Variants in ZC2HC1A observed in about 807,000 individuals in gnomAD.
ZC2HC1A encodes the protein zinc finger C2HC domain-containing protein 1A.
A neutral mutation model predicts 40.7 loss-of-function variants in ZC2HC1A; 28 were observed. The ratio of observed to expected loss-of-function variants is 0.69; its 90% CI spans 0.51 to 0.94. ZC2HC1A has a LOEUF of 0.94. Ranked by LOEUF, ZC2HC1A falls within the 40% of genes least tolerant of loss-of-function variation. The pLI is 0.00. For missense variants in ZC2HC1A, 389 were observed against 386.3 expected, an observed-to-expected ratio of 1.01 and a Z score of -0.06; for synonymous variants, 129 against 129.2, an observed-to-expected ratio of 1.00 and a Z score of 0.01.
chr8:78,702,262 G>T (rs1313417599), intron 7 of ZC2HC1A, among the ~76,000 whole-genome samples: 1 of 152,062 alleles, frequency 6.6e-6, no homozygotes, highest in Non-Finnish European at 1.5e-5. Flanking sequence ...GTGTATTGAG[G>T]TATTCATAAT....
At chr8:78,668,909 A>C (rs145402913) in intron 1 of ZC2HC1A, among the ~76,000 whole-genome samples, 70 of 152,224 alleles carry the variant, frequency 4.6e-4, no homozygotes, top group Non-Finnish European at 6.8e-4. Context: ...CATTCCCTTC[A>C]TATCCCTGAT....
intron 5 of ZC2HC1A, 71 bp downstream of exon 5, chr8:78,689,444 C>G: frequency 5.8e-6 from 8 of 1,381,774 alleles, no homozygotes; most frequent in Non-Finnish European, 7.7e-6. Context: ...ATTGTTTATG[C>G]TTTTCATGAC....
At chr8:78,707,585 G>A (rs1486328545) in intron 7 of ZC2HC1A, among the ~76,000 whole-genome samples, 2 of 152,176 alleles carry the variant, frequency 1.3e-5, no homozygotes, top group Non-Finnish European at 2.9e-5. Flanking sequence ...TGTCAGTTGT[G>A]CATTGCTTAT....
intron 7 of ZC2HC1A, among the ~76,000 whole-genome samples, chr8:78,711,682 A>AT (rs558105997): frequency 5.3e-4 from 79 of 150,228 alleles, no homozygotes; most frequent in African/African-American, 1.2e-3. Context: ...TAGCTTCATG[A>AT]TTTTTTTTTT....
chr8:78,683,293 A>C (rs1327288117), intron 3 of ZC2HC1A, among the ~76,000 whole-genome samples: 1 of 152,208 alleles, frequency 6.6e-6, no homozygotes, highest in Non-Finnish European at 1.5e-5. Context: ...GAGGTTCTCC[A>C]TGAGGGCCCC....
chr8:78,686,849 A>G lies in ZC2HC1A; in HGVS notation c.352+241A>G, dbSNP rs140068267. ...ACTTTTATTTAAACAAGGCATTATA[A>G]TATCATTTAAAAATTATTATAGTAA... On this transcript the variant is annotated intron_variant, in intron 4 of 8. Coordinates refer to ENST00000263849, the MANE Select transcript of ZC2HC1A (RefSeq NM_016010.3). 5.9e-3 allele frequency among the ~76,000 whole-genome samples: 898 copies of G among 152,234 alleles called. 9 individuals are homozygous for G. The highest frequency in any genetic ancestry group is 0.02 in the African/African-American group (842 of 41,550).
chr8:78,675,932 C>G (rs1809564971), intron 2 of ZC2HC1A, 69 bp downstream of exon 2: 2 of 1,359,350 alleles, frequency 1.5e-6, no homozygotes, highest in South Asian at 1.2e-5. Flanking sequence ...CTGGTCAATT[C>G]TCATGGGAAG....
intron 7 of ZC2HC1A, among the ~76,000 whole-genome samples, chr8:78,711,834 A>G (rs1251174030): frequency 6.6e-6 from 1 of 152,088 alleles, no homozygotes; most frequent in Non-Finnish European, 1.5e-5. Context: ...CTCTCTGAGG[A>G]TTCTTTTGGA....
intron 1 of ZC2HC1A, among the ~76,000 whole-genome samples, chr8:78,672,664 A>G (rs898884500): frequency 6.6e-6 from 1 of 152,224 alleles, no homozygotes; most frequent in Non-Finnish European, 1.5e-5. Flanking sequence ...AATAATTACA[A>G]GAAAACTACA....
chr8:78,670,540 C>T (rs1429735773), intron 1 of ZC2HC1A, among the ~76,000 whole-genome samples: 1 of 152,050 alleles, frequency 6.6e-6, no homozygotes, highest in Non-Finnish European at 1.5e-5. Flanking sequence ...GGTTAATGTA[C>T]CATTTTCCAA....
At chr8:78,715,119 T>C (rs1284336760) in intron 7 of ZC2HC1A, 102 bp from the exon 8 acceptor site, 1 of 1,002,692 alleles carries the variant, frequency 1.0e-6, no homozygotes, top group Admixed American at 2.9e-5. Flanking sequence ...TTTGAACTTC[T>C]CTGAAGCTTC....
At chr8:78,701,460 C>G (rs1160557730) in intron 7 of ZC2HC1A, among the ~76,000 whole-genome samples, 1 of 152,214 alleles carries the variant, frequency 6.6e-6, no homozygotes, top group South Asian at 2.1e-4. Context: ...TTGACTTCCT[C>G]TCTTCCTATT....
intron 1 of ZC2HC1A, among the ~76,000 whole-genome samples, chr8:78,667,150 A>AT (rs1809323698): frequency 6.6e-6 from 1 of 152,168 alleles, no homozygotes; most frequent in Admixed American, 6.5e-5. Context: ...AATATTCTAC[A>AT]TTGTGTGATG....
intron 5 of ZC2HC1A, among the ~76,000 whole-genome samples, chr8:78,690,904 A>G (rs917290069): frequency 1.3e-5 from 2 of 152,124 alleles, no homozygotes; most frequent in Non-Finnish European, 2.9e-5. Flanking sequence ...CTTGTTTAGA[A>G]AAACTGGATT....
intron 2 of ZC2HC1A, among the ~76,000 whole-genome samples, chr8:78,676,521 T>A (rs1425610412): frequency 6.6e-6 from 1 of 152,030 alleles, no homozygotes; most frequent in African/African-American, 2.4e-5. Flanking sequence ...GTATTTTAAC[T>A]TCAAACACAA....
At chr8:78,686,760 AGTCAT>A (rs2130486620) in intron 4 of ZC2HC1A, 152 bp downstream of exon 4, 1 of 695,836 alleles carries the variant, frequency 1.4e-6, no homozygotes. Context: ...GTGGTAATCT[AGTCAT>A]GTAGGCTTAT....
At chr8:78,667,967 T>TC (rs1007349762) in intron 1 of ZC2HC1A, among the ~76,000 whole-genome samples, 54 of 151,820 alleles carry the variant, frequency 3.6e-4, no homozygotes, top group Admixed American at 1.1e-3. Flanking sequence ...AGATTTTTTT[T>TC]TTTTACAAAA....
chr8:78,681,901 C>CTTTTTTTTTT (rs56181953), intron 3 of ZC2HC1A, among the ~76,000 whole-genome samples: 213 of 126,330 alleles, frequency 1.7e-3, no homozygotes, highest in Middle Eastern at 3.9e-3. Context: ...CTTTTTCTTT[C>CTTTTTTTTTT]TTTTTTTTTT....
At chr8:78,717,136 A>G (rs1811131050) in intron 8 of ZC2HC1A, among the ~76,000 whole-genome samples, 192 bp from the exon 9 acceptor site, 1 of 152,134 alleles carries the variant, frequency 6.6e-6, no homozygotes, top group Non-Finnish European at 1.5e-5. Context: ...AACACAGATA[A>G]ATATAATGTT....
Sources: allele counts gnomAD v4.1 joint callset (sites outside exome capture counted in the v4.1 genomes callset), GRCh38; gene constraint gnomAD v4.1.1; transcripts MANE v1.5; gene names NCBI Gene and HGNC (gene_info 2026-07-23, HGNC 2026-07-21).